TRIP13: variants seen among roughly 807,000 people sequenced by gnomAD.
TRIP13 encodes thyroid hormone receptor interactor 13, also known as pachytene checkpoint protein 2 homolog.
A neutral mutation model predicts 54.4 loss-of-function variants in TRIP13; 25 were observed. That is an observed-to-expected ratio of 0.46 (90% CI 0.33 to 0.64). TRIP13 has a LOEUF of 0.64. Among genes scored for constraint, TRIP13 ranks in the 30% least tolerant of loss-of-function variants. The pLI, the probability that TRIP13 is intolerant of heterozygous loss-of-function variation, is 0.02. For missense variants in TRIP13, 373 were observed against 534.2 expected (o/e 0.70, Z 2.97); for synonymous variants, 207 against 207.8 (o/e 1.00, Z 0.03).
intron 6 of TRIP13, among the ~76,000 whole-genome samples, chr5:905,894 A>G (rs761485271): frequency 6.6e-6 from 1 of 152,240 alleles, no homozygotes; most frequent in African/African-American, 2.4e-5. Flanking sequence ...TTGCTTTGAC[A>G]TATTGAAATA....
rs1754300241 is a variant in TRIP13 at position 914,367 on chromosome 5, G to A, written c.1021-98G>A. 5.1e-6 allele frequency: 4 copies of A among 786,358 alleles called. No individual in the cohort carries two copies. The African/African-American group carries it at 6.9e-5, about 14-fold the overall frequency. The allele number at this position is 786,358 out of a possible 1,614,324, so 48.7% of individuals were successfully genotyped here. On this transcript the variant is annotated intron_variant, in intron 10 of 12. Coordinates refer to ENST00000166345, the MANE Select transcript of TRIP13 (RefSeq NM_004237.4). ...CTGGATTTCTGTGAGACGTGGCGTG[G>A]TTGACATTTGACCTGCAGGTGCTGT...
Position 893,048 on chromosome 5 carries a change from A to G in TRIP13, c.50A>G (p.Glu17Gly). Reference sequence around the variant, plus strand: ...AAGCAGGCGCTTCCCTGTGTGGCCGAGTCGCCAACGGTCCACGTGGAGGTG... The same window carrying G: ...AAGCAGGCGCTTCCCTGTGTGGCCGGGTCGCCAACGGTCCACGTGGAGGTG... ...DLKQALPCVAESPTVHVEVHQ... is the reference protein window; with the variant it reads ...DLKQALPCVAGSPTVHVEVHQ... The change falls in exon 1 of 13, where the codon GAG (glutamate) becomes GGG (glycine). Residue 17 changes from glutamate to glycine, a missense_variant. By Grantham distance (98) the Glu-to-Gly change is moderately conservative. This residue lies in a region of TRIP13 where 151 missense variants were observed against 151.9 expected (regional missense o/e 0.99). Coordinates refer to ENST00000166345, the MANE Select transcript of TRIP13 (RefSeq NM_004237.4). 6.3e-7 allele frequency: 1 copy of G among 1,597,862 alleles called. No individual in the cohort carries two copies. The highest frequency in any genetic ancestry group is 8.5e-7 in the Non-Finnish European group (1 of 1,176,272).
At chr5:895,587 C>T (rs991811037) in intron 2 of TRIP13, among the ~76,000 whole-genome samples, 1 of 152,220 alleles carries the variant, frequency 6.6e-6, no homozygotes, top group Non-Finnish European at 1.5e-5. Flanking sequence ...CCTCCCCATT[C>T]ATACGTTAGG....
Position 907,436 on chromosome 5 carries a change from G to A in TRIP13, c.672+243G>A, listed in dbSNP as rs1423567116. 6.6e-6 allele frequency among the ~76,000 whole-genome samples: 1 copy of A among 152,182 alleles called. No homozygotes were observed. The highest frequency in any genetic ancestry group is 1.5e-5 in the Non-Finnish European group (1 of 68,036). Reference sequence around the variant, plus strand: ...ATCGATGGACTCTCAGAAGGGCAGGGCTGGCACTCAGGGGACTGCAGCCCT... The same window carrying A: ...ATCGATGGACTCTCAGAAGGGCAGGACTGGCACTCAGGGGACTGCAGCCCT... On this transcript the variant is annotated intron_variant, in intron 7 of 12. Coordinates refer to ENST00000166345, the MANE Select transcript of TRIP13 (RefSeq NM_004237.4). This position sits in a 1 kb window ranked among gnomAD's most constrained non-coding sequence, Gnocchi z 4.1.
intron 2 of TRIP13, 53 bp downstream of exon 2, chr5:895,005 G>C: frequency 6.5e-7 from 1 of 1,528,834 alleles, no homozygotes. Flanking sequence ...ACAAAAGGTT[G>C]TATCATGAAT....
At chr5:894,372 G>A (rs1267142260) in intron 1 of TRIP13, among the ~76,000 whole-genome samples, 3 of 152,172 alleles carry the variant, frequency 2.0e-5, no homozygotes, top group South Asian at 2.1e-4. Flanking sequence ...TTCTCAGCAC[G>A]AATCACGGCT....
rs1248582972 is a variant in TRIP13, at chr5:917,104, T to A, written c.*1T>A. 5 of 1,613,894 alleles carry A rather than the reference T, an allele frequency of 3.1e-6. No individual in the cohort carries two copies. In the South Asian group the frequency reaches 5.5e-5, roughly 18 times the overall value. Reference sequence around the variant, plus strand: ...AAAGAAGCTTGCAGCTTACATCTGATCCTGGGCTTCCCCATCTGGTGCTTT... The same window carrying A: ...AAAGAAGCTTGCAGCTTACATCTGAACCTGGGCTTCCCCATCTGGTGCTTT... On this transcript the variant is annotated 3_prime_UTR_variant, in exon 13 of 13. Transcript: ENST00000166345.
At position 917,046 on chromosome 5, in the gene TRIP13, G is replaced by A. The variant is rs1400990042; in HGVS notation, c.1242G>A (p.Leu414=). 2.5e-6 allele frequency: 4 copies of A among 1,614,152 alleles called. No homozygotes were observed. In the South Asian group the frequency reaches 3.3e-5, roughly 13 times the overall value. The change falls in exon 13 of 13, where the codon CTG becomes CTA. Residue 414 remains leucine (L), a synonymous_variant. Coordinates refer to ENST00000166345, the MANE Select transcript of TRIP13 (RefSeq NM_004237.4). ...TVTIEGFLQA[L]SLAVDKQFEE... ...CCATAGAGGGGTTCCTCCAGGCCCT[G>A]TCTCTGGCAGTGGACAAGCAGTTTG... is the stretch of plus-strand genomic sequence containing the variant.
Position 912,603 on chromosome 5 carries a change from G to C in TRIP13, c.1020+607G>C, listed in dbSNP as rs115032723. On this transcript the variant is annotated intron_variant, in intron 10 of 12. Coordinates refer to ENST00000166345, the MANE Select transcript of TRIP13 (RefSeq NM_004237.4). The surrounding 1 kb of genome is among the most constrained non-coding windows in gnomAD (Gnocchi z 7.2). ...CCACGGGCACAGTGACGTGCGGTGA[G>C]TGTGAGTCAGGAGGGCCGTCGCCAC... 6.6e-6 allele frequency among the ~76,000 whole-genome samples: 1 copy of C among 151,822 alleles called. No individual in the cohort carries two copies. The highest frequency in any genetic ancestry group is 6.5e-5 in the Admixed American group (1 of 15,270).
chr5:896,708 A>G lies in TRIP13; in HGVS notation c.302A>G (p.Gln101Arg). 6.2e-7 allele frequency: 1 copy of G among 1,613,940 alleles called. No individual in the cohort carries two copies. The highest frequency in any genetic ancestry group is 8.5e-7 in the Non-Finnish European group (1 of 1,179,870). ...TGCACTGTTGCACTTCACATTTTCC[A>G]GCTGAATGAAGATGGCCCCAGCAGT... is the stretch of plus-strand genomic sequence containing the variant. ...SACTVALHIF[Q>R]LNEDGPSSEN... The change falls in exon 3 of 13, where the codon CAG (glutamine) becomes CGG (arginine). Residue 101 changes from glutamine to arginine, a missense_variant. Transcript: ENST00000166345.
chr5:908,092 A>C lies in TRIP13; in HGVS notation c.759+18A>C, dbSNP rs1754154284. 6.2e-7 allele frequency: 1 copy of C among 1,612,924 alleles called. No individual in the cohort carries two copies. The highest frequency in any genetic ancestry group is 1.3e-5 in the African/African-American group (1 of 74,910). On this transcript the variant is annotated intron_variant, in intron 8 of 12. Coordinates refer to ENST00000166345, the MANE Select transcript of TRIP13 (RefSeq NM_004237.4). This position sits in a 1 kb window ranked among gnomAD's most constrained non-coding sequence, Gnocchi z 5.2. Reference sequence around the variant, plus strand: ...TTGATGAGGTAGGCATTTCCAGATAAGGAAATTCATGACAGAATCGCCTTT... The same window carrying C: ...TTGATGAGGTAGGCATTTCCAGATACGGAAATTCATGACAGAATCGCCTTT...
chr5:904,706 T>A (rs1038858851), intron 6 of TRIP13, among the ~76,000 whole-genome samples: 1 of 152,188 alleles, frequency 6.6e-6, no homozygotes, highest in Admixed American at 6.5e-5. Flanking sequence ...TTTAGAAATA[T>A]GTTTTATTCG....
At chr5:910,785 T>G (rs1055261104) in intron 9 of TRIP13, among the ~76,000 whole-genome samples, 5 of 152,324 alleles carry the variant, frequency 3.3e-5, no homozygotes, top group Non-Finnish European at 4.4e-5. Flanking sequence ...GGCCTCCCTC[T>G]GGCCCTTCCT....
At chr5:914,674 GGTGTGAAC>G in intron 11 of TRIP13, 97 bp downstream of exon 11, 5 of 935,552 alleles carry the variant, frequency 5.3e-6, no homozygotes, top group African/African-American at 1.6e-5. Flanking sequence ...GAGGGCCCTG[GGTGTGAAC>G]TCTCAACACA....
chr5:901,895 T>C (rs1302653318), intron 5 of TRIP13, among the ~76,000 whole-genome samples: 1 of 152,210 alleles, frequency 6.6e-6, no homozygotes, highest in Non-Finnish European at 1.5e-5. Flanking sequence ...AGTGCTGGGA[T>C]TACAGGCTTG....
chr5:908,677 G>T lies in TRIP13; in HGVS notation c.866+216G>T, dbSNP rs1315801595. On this transcript the variant is annotated intron_variant, in intron 9 of 12. Coordinates refer to ENST00000166345, the MANE Select transcript of TRIP13 (RefSeq NM_004237.4). This position sits in a 1 kb window ranked among gnomAD's most constrained non-coding sequence, Gnocchi z 5.2. ...TTAGTGTGTTAAAAATGTAATAGAA[G>T]GCCAGGCGCGGTGGCTCACACCTGT... 3 of 1,342,594 alleles carry T rather than the reference G, an allele frequency of 2.2e-6. No individual in the cohort carries two copies. The highest frequency in any genetic ancestry group is 2.9e-6 in the Non-Finnish European group (3 of 1,039,162). The allele number at this position is 1,342,594 out of a possible 1,614,324, so 83.2% of individuals were successfully genotyped here. A position where few individuals can be genotyped will look rare whatever the true frequency, so the allele number is the denominator to read the frequency against.
chr5:915,702 T>C lies in TRIP13; in HGVS notation c.1134-202T>C, dbSNP rs1300612096. 2.0e-5 allele frequency among the ~76,000 whole-genome samples: 3 copies of C among 152,056 alleles called. No homozygotes were observed. Among genetic ancestry groups the C allele is most frequent in the Admixed American group, 6.5e-5 (1 of 15,280 alleles). On this transcript the variant is annotated intron_variant, in intron 11 of 12. Coordinates refer to ENST00000166345, the MANE Select transcript of TRIP13 (RefSeq NM_004237.4). This position sits in a 1 kb window ranked among gnomAD's most constrained non-coding sequence, Gnocchi z 4.2. ...TGAGGATGGGGAGAGACCGGCCCCA[T>C]ACGAGAGGCCGGGGGCAAAGAGACA...
intron 4 of TRIP13, 82 bp downstream of exon 4, chr5:900,631 A>G: frequency 6.7e-7 from 1 of 1,487,388 alleles, no homozygotes; most frequent in Non-Finnish European, 9.1e-7. Flanking sequence ...ACCCCTGAGC[A>G]ACTTGATGCA....
rs1249286191 is a variant in TRIP13 at position 912,538 on chromosome 5, G to A, written c.1020+542G>A. Among the ~76,000 whole-genome samples the A allele has an allele frequency of 2.6e-5, 4 of 151,336 alleles. No homozygotes were observed. Among genetic ancestry groups the A allele is most frequent in the South Asian group, 2.1e-4 (1 of 4,776 alleles). On this transcript the variant is annotated intron_variant, in intron 10 of 12. Coordinates refer to ENST00000166345, the MANE Select transcript of TRIP13 (RefSeq NM_004237.4). This position sits in a 1 kb window ranked among gnomAD's most constrained non-coding sequence, Gnocchi z 7.2. ...GGAAGGCCGTCGCCACGGGCAGAGC[G>A]ACGCGTGCGGGGAGCGTGTGTGAGT...
Sources: allele counts gnomAD v4.1 joint callset (sites outside exome capture counted in the v4.1 genomes callset), GRCh38; gene constraint gnomAD v4.1.1; regional missense constraint gnomAD v4.1.1; non-coding constraint Gnocchi (gnomAD v3.1); transcripts MANE v1.5; gene names NCBI Gene and HGNC (gene_info 2026-07-23, HGNC 2026-07-21).